Variants in PCDH15 observed in about 807,000 individuals in gnomAD.
PCDH15 encodes the protein protocadherin-15.
PCDH15 carries 129 observed loss-of-function variants against 178.5 expected under a neutral mutation model. The observed-to-expected ratio is 0.72, with a 90% CI of 0.63 to 0.84. The LOEUF (loss-of-function observed/expected upper bound fraction) is 0.84. PCDH15 is among the 40% of genes least tolerant of loss of function. PCDH15 has a pLI of 0.00. For missense variants in PCDH15, 2,230 were observed against 2,099.9 expected, an observed-to-expected ratio of 1.06 and a Z score of -1.21; for synonymous variants, 800 against 732.0, an observed-to-expected ratio of 1.09 and a Z score of -1.50.
intron 28 of PCDH15, among the ~76,000 whole-genome samples, chr10:53,845,776 G>C (rs927425823): frequency 6.6e-6 from 1 of 151,482 alleles, no homozygotes; most frequent in African/African-American, 2.4e-5. Flanking sequence ...AATACAGATA[G>C]AGAAAATAAA....
intron 2 of PCDH15, among the ~76,000 whole-genome samples, chr10:54,539,105 G>A (rs1285063244): frequency 6.6e-6 from 1 of 152,164 alleles, no homozygotes; most frequent in Non-Finnish European, 1.5e-5. Context: ...TCTTTCAGCA[G>A]TGTGCAGTTC....
At chr10:55,026,007 T>C (rs1840466802) in intron 2 of PCDH15, among the ~76,000 whole-genome samples, 1 of 151,962 alleles carries the variant, frequency 6.6e-6, no homozygotes, top group South Asian at 2.1e-4. Flanking sequence ...AAATTTAGTT[T>C]GAATGAAGTT....
At chr10:54,800,550 T>C (rs973676008) in intron 1 of PCDH15, among the ~76,000 whole-genome samples, 4 of 152,058 alleles carry the variant, frequency 2.6e-5, no homozygotes, top group African/African-American at 9.7e-5. Flanking sequence ...AAACAAAAAG[T>C]CAATTCTGAT....
At chr10:54,980,673 A>G (rs1839209646) in intron 2 of PCDH15, among the ~76,000 whole-genome samples, 1 of 152,008 alleles carries the variant, frequency 6.6e-6, no homozygotes, top group Non-Finnish European at 1.5e-5. Flanking sequence ...TTACTTTCTG[A>G]GTATTTTCTT....
In PCDH15 at chr10:53,804,615, T is replaced by C. The variant is rs1002112273; in HGVS notation, c.*1964A>G. 1.2e-4 allele frequency: 18 copies of C among 151,980 alleles called. No individual in the cohort carries two copies. Among genetic ancestry groups the C allele is most frequent in the African/African-American group, 2.9e-4 (12 of 41,412 alleles). 9.4% of individuals were successfully genotyped at this position (151,980 alleles called of 1,614,324 possible). On this transcript the variant is annotated 3_prime_UTR_variant, in exon 38 of 38. Transcript: ENST00000644397. The stretch of plus-strand genomic sequence containing the variant: ...AAAAACGCAGCCATGAAGCTGTATA[T>C]AGAGAGAATATCAAGGGATGCTGAC...
At chr10:55,345,668 G>A (rs1284180318) in intron 2 of PCDH15, among the ~76,000 whole-genome samples, 2 of 120,776 alleles carry the variant, frequency 1.7e-5, no homozygotes, top group Non-Finnish European at 3.5e-5. Context: ...CTATTTTCTT[G>A]TGTTGTGTGA....
In PCDH15 at chr10:54,416,719, T is replaced by G. The variant is rs1378676467; in HGVS notation, c.158-37777A>C. Among the ~76,000 whole-genome samples, 3 of 152,188 alleles carry G rather than the reference T, an allele frequency of 2.0e-5. No individual in the cohort carries two copies. In the East Asian group the frequency reaches 5.8e-4, roughly 29 times the overall value. On this transcript the variant is annotated intron_variant, in intron 3 of 37. Coordinates refer to ENST00000644397, the MANE Select transcript of PCDH15 (RefSeq NM_001384140.1). ...TCACCATACTGTCTTCCACAATGGC[T>G]GAACTAATTTACATTCCTAGCAGCA...
intron 8 of PCDH15, among the ~76,000 whole-genome samples, chr10:54,283,104 T>C (rs1272041623): frequency 6.6e-6 from 1 of 152,100 alleles, no homozygotes; most frequent in Non-Finnish European, 1.5e-5. Context: ...TAAGGACCAC[T>C]ACAGTTGATA....
intron 2 of PCDH15, among the ~76,000 whole-genome samples, chr10:55,093,659 G>A (rs1189367323): frequency 2.0e-5 from 3 of 151,914 alleles, no homozygotes; most frequent in Non-Finnish European, 4.4e-5. Context: ...TTTGTATAAG[G>A]TGTAAAGAAG....
chr10:53,934,962 A>C (rs2085440485), intron 25 of PCDH15, among the ~76,000 whole-genome samples: 1 of 152,098 alleles, frequency 6.6e-6, no homozygotes, highest in Non-Finnish European at 1.5e-5. Flanking sequence ...GAATTAAAAA[A>C]AAAATCCCTA....
At chr10:55,285,791 A>G (rs1842855181) in intron 1 of PCDH15, among the ~76,000 whole-genome samples, 1 of 151,908 alleles carries the variant, frequency 6.6e-6, no homozygotes, top group South Asian at 2.1e-4. Flanking sequence ...TTAATAGAAA[A>G]TAAGACACAG....
At chr10:55,463,106 A>C (rs116103646) in intron 2 of PCDH15, among the ~76,000 whole-genome samples, 2,738 of 151,930 alleles carry the variant, frequency 0.018, 92 homozygotes, top group African/African-American at 0.061. Context: ...GAGAAAAAAA[A>C]AAAAACAAAA....
At chr10:54,133,872 CACACAT>C (rs1207183805) in intron 14 of PCDH15, among the ~76,000 whole-genome samples, 1 of 150,240 alleles carries the variant, frequency 6.7e-6, no homozygotes, top group Admixed American at 6.6e-5. Context: ...CACACACACA[CACACAT>C]ATATACACAT....
intron 14 of PCDH15, among the ~76,000 whole-genome samples, chr10:54,137,405 C>A (rs7080280): frequency 0.069 from 10,564 of 152,122 alleles, 860 homozygotes; most frequent in African/African-American, 0.19. Flanking sequence ...TTGAAACCTA[C>A]CCAATAGTTC....
chr10:54,624,839 G>A (rs916205237), intron 2 of PCDH15, among the ~76,000 whole-genome samples: 7 of 152,170 alleles, frequency 4.6e-5, no homozygotes, highest in African/African-American at 1.7e-4. Context: ...CTAATGCCTG[G>A]TGATCTGTCA....
chr10:54,153,322 T>C, intron 13 of PCDH15, 29 bp from the exon 14 acceptor site: 1 of 1,612,354 alleles, frequency 6.2e-7, no homozygotes, highest in Non-Finnish European at 8.5e-7. Flanking sequence ...ACATAAATCC[T>C]CTTGGGTCTC....
chr10:54,806,122 T>A (rs2133722903), upstream of PCDH15, among the ~76,000 whole-genome samples: 1 of 152,338 alleles, frequency 6.6e-6, no homozygotes, highest in African/African-American at 2.4e-5. Flanking sequence ...TATCTTATAC[T>A]TTCCTTAGGA....
At chr10:55,159,478 T>TAC (rs1281978455) in intron 2 of PCDH15, among the ~76,000 whole-genome samples, 1 of 149,184 alleles carries the variant, frequency 6.7e-6, no homozygotes, top group African/African-American at 2.5e-5. Context: ...CTATGTTATG[T>TAC]ACACACACAC....
chr10:54,651,556 T>C (rs566389654), intron 2 of PCDH15, among the ~76,000 whole-genome samples: 1 of 152,166 alleles, frequency 6.6e-6, no homozygotes, highest in Non-Finnish European at 1.5e-5. Context: ...GAATGTATTA[T>C]CTCACTTTCA....
Sources: allele counts gnomAD v4.1 joint callset (sites outside exome capture counted in the v4.1 genomes callset), GRCh38; gene constraint gnomAD v4.1.1; transcripts MANE v1.5; gene names NCBI Gene and HGNC (gene_info 2026-07-23, HGNC 2026-07-21).